IREB2: variants seen among roughly 807,000 people sequenced by gnomAD.
The protein encoded by IREB2 is iron-responsive element-binding protein 2.
In IREB2, 39 loss-of-function variants were observed where a neutral mutation model predicts 118.8. That is an observed-to-expected ratio of 0.33 (90% CI 0.25 to 0.43). The LOEUF is 0.43. Ranked by LOEUF, IREB2 falls within the 20% of genes least tolerant of loss-of-function variation. The pLI is 1.00. For missense variants in IREB2, 900 were observed against 1,147.3 expected (o/e 0.78, Z 3.11); for synonymous variants, 372 against 392.2 (o/e 0.95, Z 0.61).
chr15:78,462,708 CA>C (rs1248070659), intron 2 of IREB2, among the ~76,000 whole-genome samples: 4 of 151,932 alleles, frequency 2.6e-5, no homozygotes, highest in African/African-American at 4.8e-5. Flanking sequence ...CTGCTTTTTT[CA>C]AGGCTTTGAG....
rs1372687614 is a variant in IREB2, at chr15:78,499,495, AT to A, written c.*1354del. 1 of 152,234 alleles carries A rather than the reference AT, an allele frequency of 6.6e-6. No individual in the cohort carries two copies. The highest frequency in any genetic ancestry group is 2.4e-5 in the African/African-American group (1 of 41,466). 9.4% of individuals were successfully genotyped at this position (152,234 alleles called of 1,614,324 possible). A position where few individuals can be genotyped will look rare whatever the true frequency, so the allele number is the denominator to read the frequency against. ...AGAATTAGTTCACATTGCATAAAGAATTACTTGTTGTAAGCAAAATGCTGAA... is the reference window on the plus strand; with the variant it reads ...AGAATTAGTTCACATTGCATAAAGAATACTTGTTGTAAGCAAAATGCTGAA... On this transcript the variant is annotated 3_prime_UTR_variant, in exon 22 of 22. Transcript: ENST00000258886.
Position 78,488,159 on chromosome 15 carries a change from GT to G in IREB2, c.1795-20del. On this transcript the variant is annotated intron_variant, in intron 14 of 21. Coordinates refer to ENST00000258886, the MANE Select transcript of IREB2 (RefSeq NM_004136.4). Reference sequence around the variant, plus strand: ...TCTCTAGAATTGAATTTATTTGTTTGTGTGTTTGTGTTTTTTTCAGGGTGAT... The same window carrying G: ...TCTCTAGAATTGAATTTATTTGTTTGGTGTTTGTGTTTTTTTCAGGGTGAT... 6.3e-7 allele frequency: 1 copy of G among 1,594,040 alleles called. No individual in the cohort carries two copies. Among genetic ancestry groups the G allele is most frequent in the Non-Finnish European group, 8.5e-7 (1 of 1,171,612 alleles).
intron 3 of IREB2, among the ~76,000 whole-genome samples, chr15:78,464,754 T>A (rs2051253153): frequency 6.6e-6 from 1 of 152,170 alleles, no homozygotes; most frequent in Non-Finnish European, 1.5e-5. Flanking sequence ...CCTAAAATTT[T>A]TTTGAGAGCC....
intron 20 of IREB2, among the ~76,000 whole-genome samples, chr15:78,495,009 T>A (rs2051816701): frequency 6.6e-6 from 1 of 152,232 alleles, no homozygotes; most frequent in South Asian, 2.1e-4. Flanking sequence ...CCTGGCTGTC[T>A]GCCAGGAGGA....
At chr15:78,438,787 C>T in intron 1 of IREB2, 1 of 227,140 alleles carries the variant, frequency 4.4e-6, no homozygotes, top group Non-Finnish European at 8.9e-6. Context: ...ATTCCACGGT[C>T]CAGCCTAAGG....
intron 14 of IREB2, 149 bp downstream of exon 14, chr15:78,487,966 A>G (rs1385552407): frequency 5.9e-6 from 4 of 675,204 alleles, no homozygotes; most frequent in Non-Finnish European, 9.8e-6. Context: ...AAATGATTCA[A>G]TGAATCATTT....
intron 13 of IREB2, among the ~76,000 whole-genome samples, chr15:78,486,340 C>G (rs1013902278): frequency 6.6e-6 from 1 of 152,194 alleles, no homozygotes; most frequent in Non-Finnish European, 1.5e-5. Context: ...GGCGCGGTGG[C>G]TCACGCCTGT....
chr15:78,448,535 C>G (rs2050969988), intron 2 of IREB2, among the ~76,000 whole-genome samples: 1 of 152,132 alleles, frequency 6.6e-6, no homozygotes, highest in Non-Finnish European at 1.5e-5. Context: ...GGAGGTCAGA[C>G]TTTGTTTATT....
At chr15:78,492,583 A>G (rs1016899163) in intron 18 of IREB2, among the ~76,000 whole-genome samples, 4 of 150,768 alleles carry the variant, frequency 2.7e-5, no homozygotes, top group Non-Finnish European at 5.9e-5. Context: ...GTTTGTTTTT[A>G]GAGACAGGGT....
chr15:78,476,870 T>C (rs759646733), intron 9 of IREB2, among the ~76,000 whole-genome samples: 8 of 152,252 alleles, frequency 5.3e-5, no homozygotes, highest in Non-Finnish European at 8.8e-5. Flanking sequence ...ATTGGCTGTT[T>C]AGATTAAAAC....
chr15:78,442,994 A>G (rs1381820753), intron 2 of IREB2, among the ~76,000 whole-genome samples: 1 of 152,198 alleles, frequency 6.6e-6, no homozygotes, highest in Non-Finnish European at 1.5e-5. Context: ...AGGCTGAAAG[A>G]TGGAATAATC....
chr15:78,438,145 G>A (rs535922618), upstream of IREB2: 5 of 566,202 alleles, frequency 8.8e-6, no homozygotes, highest in Admixed American at 1.2e-4. Flanking sequence ...CGACGATCTC[G>A]CGGGAGTTAG....
intron 2 of IREB2, among the ~76,000 whole-genome samples, chr15:78,444,541 C>T (rs1032495592): frequency 2.6e-5 from 4 of 151,986 alleles, no homozygotes; most frequent in African/African-American, 7.3e-5. Context: ...CTTAGTCCTC[C>T]AGTAGAGCCG....
chr15:78,470,468 G>T, intron 5 of IREB2, 64 bp from the exon 6 acceptor site: 2 of 1,031,680 alleles, frequency 1.9e-6, no homozygotes, highest in Non-Finnish European at 1.4e-6. Flanking sequence ...CGATGACTTA[G>T]AAAGAAACAA....
chr15:78,451,088 C>G (rs2051018605), intron 2 of IREB2, among the ~76,000 whole-genome samples: 1 of 151,988 alleles, frequency 6.6e-6, no homozygotes, highest in Admixed American at 6.6e-5. Flanking sequence ...CCTCAACCTC[C>G]CGAGTAGCTG....
At chr15:78,489,154 G>A (rs1201126158) in intron 16 of IREB2, among the ~76,000 whole-genome samples, 2 of 152,066 alleles carry the variant, frequency 1.3e-5, no homozygotes, top group South Asian at 2.1e-4. Flanking sequence ...CCTGGGAGGC[G>A]GAGGTTGCGG....
At position 78,485,856 on chromosome 15, in the gene IREB2, C is replaced by T. The variant is rs144337961; in HGVS notation, c.1709+16C>T. 3.9e-5 allele frequency: 63 copies of T among 1,608,030 alleles called. No homozygotes were observed. The African/African-American group carries it at 6.3e-4, about 16-fold the overall frequency. Reference sequence around the variant, plus strand: ...GTAAGCTTGGGTAAGTAACAGCTATCGCACTTCATATTGATATTGGTGTTC... The same window carrying T: ...GTAAGCTTGGGTAAGTAACAGCTATTGCACTTCATATTGATATTGGTGTTC... On this transcript the variant is annotated intron_variant, in intron 13 of 21. Coordinates refer to ENST00000258886, the MANE Select transcript of IREB2 (RefSeq NM_004136.4).
rs1015302873 is a variant in IREB2, at chr15:78,499,421, T to A, written c.*1278T>A. 1 of 152,180 alleles carries A rather than the reference T, an allele frequency of 6.6e-6. No individual in the cohort carries two copies. The highest frequency in any genetic ancestry group is 1.5e-5 in the Non-Finnish European group (1 of 68,024). 9.4% of individuals were successfully genotyped at this position (152,180 alleles called of 1,614,324 possible). A position where few individuals can be genotyped will look rare whatever the true frequency, so the allele number is the denominator to read the frequency against. On this transcript the variant is annotated 3_prime_UTR_variant, in exon 22 of 22. Transcript: ENST00000258886. ...CAGGCTAAAGGTTAATTGTAGTGAT[T>A]TTTTTTCACATAGATATCTTTCTAT...
rs1426998493 is a variant in IREB2 at position 78,438,235 on chromosome 15, C to T, written c.-103C>T. ...TTGCGCGAGCCTGCTTCCTTCTTTC[C>T]TCCCTTGCCAGTCCGCCTGTCTTCC... On this transcript the variant is annotated 5_prime_UTR_variant, in exon 1 of 22. Transcript: ENST00000258886. 6 of 899,414 alleles carry T rather than the reference C, an allele frequency of 6.7e-6. No individual in the cohort carries two copies. Among genetic ancestry groups the T allele is most frequent in the South Asian group, 1.4e-5 (1 of 70,766 alleles). The allele number at this position is 899,414 out of a possible 1,614,324, so 55.7% of individuals were successfully genotyped here. A position where few individuals can be genotyped will look rare whatever the true frequency, so the allele number is the denominator to read the frequency against.
Sources: allele counts gnomAD v4.1 joint callset (sites outside exome capture counted in the v4.1 genomes callset), GRCh38; gene constraint gnomAD v4.1.1; transcripts MANE v1.5; gene names NCBI Gene and HGNC (gene_info 2026-07-23, HGNC 2026-07-21).